The following FAM227A variants were observed in gnomAD, a reference collection of about 807,000 sequenced individuals.
The protein encoded by FAM227A is protein FAM227A.
FAM227A carries 80 observed loss-of-function variants against 74.7 expected under a neutral mutation model. That is an observed-to-expected ratio of 1.07 (90% CI 0.89 to 1.29). The LOEUF is 1.29. Ranked by LOEUF, FAM227A falls within the 50% of genes most tolerant of loss-of-function variation. The probability of loss-of-function intolerance (pLI) is 0.00; values close to 1 mark genes in which losing one functional copy is unlikely to be tolerated. For missense variants in FAM227A, 654 were observed against 683.4 expected (o/e 0.96, Z 0.48); for synonymous variants, 237 against 241.8 (o/e 0.98, Z 0.19).
chr22:38,639,754 A>G (rs2092075363), intron 3 of FAM227A, 30 bp from the exon 4 acceptor site: 1 of 1,440,368 alleles, frequency 6.9e-7, no homozygotes. Context: ...GGGGGGCATT[A>G]GGGATTAATG....
chr22:38,583,078 T>C lies in FAM227A; in HGVS notation c.*3047A>G. ...GAAGAGTTGACAGTGGCTGGGGTAG[T>C]AAAGGGAAGGTGAGAGAGTGTTCTG... On this transcript the variant is annotated 3_prime_UTR_variant, in exon 17 of 17. Coordinates refer to ENST00000535113, the MANE Select transcript of FAM227A (RefSeq NM_001013647.2). The C allele has an allele frequency of 2.9e-6, 3 of 1,042,000 alleles. No homozygotes were observed. The highest frequency in any genetic ancestry group is 4.2e-6 in the Non-Finnish European group (3 of 713,568). 64.5% of individuals were successfully genotyped at this position (1,042,000 alleles called of 1,614,324 possible).
At chr22:38,601,867 G>C (rs1040842920) in intron 13 of FAM227A, among the ~76,000 whole-genome samples, 1 of 152,104 alleles carries the variant, frequency 6.6e-6, no homozygotes, top group African/African-American at 2.4e-5. Context: ...GGCTGGGGCG[G>C]TGGGAAAGTC....
rs1175893664 is a variant in FAM227A, at chr22:38,613,354, AATAT to A, written c.1039-5882_1039-5879del. Among the ~76,000 whole-genome samples the A allele has an allele frequency of 2.2e-3, 161 of 74,772 alleles. 3 individuals are homozygous for A. The highest frequency in any genetic ancestry group is 8.2e-3 in the African/African-American group (153 of 18,696). 49.1% of individuals were successfully genotyped at this position (74,772 alleles called of 152,430 possible). Reference sequence around the variant, plus strand: ...ATATAATATATAACATATATTATATAATATATATCATATATAATATATAACATAT... The same window carrying A: ...ATATAATATATAACATATATTATATAATATCATATATAATATATAACATAT... On this transcript the variant is annotated intron_variant, in intron 11 of 16. Coordinates refer to ENST00000535113, the MANE Select transcript of FAM227A (RefSeq NM_001013647.2).
chr22:38,640,942 G>C (rs537490756), intron 3 of FAM227A, among the ~76,000 whole-genome samples: 3 of 152,102 alleles, frequency 2.0e-5, no homozygotes, highest in Non-Finnish European at 2.9e-5. Context: ...GGCGGTCACA[G>C]GGGTTAGTCT....
intron 14 of FAM227A, 126 bp downstream of exon 14, chr22:38,599,638 T>C: frequency 1.2e-6 from 1 of 824,272 alleles, no homozygotes; most frequent in Non-Finnish European, 1.7e-6. Context: ...TGGCCACCTC[T>C]GGCGAGTACA....
At chr22:38,609,405 G>A (rs747796248) in intron 11 of FAM227A, among the ~76,000 whole-genome samples, 13 of 152,200 alleles carry the variant, frequency 8.5e-5, no homozygotes, top group African/African-American at 2.9e-4. Flanking sequence ...ATAGTTGGCC[G>A]CAAGTGGTAT....
intron 13 of FAM227A, among the ~76,000 whole-genome samples, chr22:38,603,214 TGGG>T (rs2091213768): frequency 1.3e-5 from 2 of 152,132 alleles, no homozygotes; most frequent in Admixed American, 1.3e-4. Context: ...TACTGTGGGC[TGGG>T]AGCAGTGGCT....
At chr22:38,641,413 G>A (rs1334500650) in intron 3 of FAM227A, among the ~76,000 whole-genome samples, 1 of 151,960 alleles carries the variant, frequency 6.6e-6, no homozygotes, top group African/African-American at 2.4e-5. Flanking sequence ...TTAGCCGGGC[G>A]TGGTGGCACG....
At chr22:38,590,279 C>CAAAA (rs71197120) in intron 16 of FAM227A, among the ~76,000 whole-genome samples, 7 of 57,976 alleles carry the variant, frequency 1.2e-4, no homozygotes, top group South Asian at 6.3e-4. Flanking sequence ...GACTCCATCT[C>CAAAA]AAAAAAAAAA....
intron 11 of FAM227A, among the ~76,000 whole-genome samples, chr22:38,615,756 C>A (rs1380008350): frequency 2.0e-5 from 3 of 152,168 alleles, no homozygotes; most frequent in Non-Finnish European, 4.4e-5. Flanking sequence ...CAGGGAATAA[C>A]CCCATCTGAT....
chr22:38,639,614 C>G (rs151075624), intron 4 of FAM227A, 41 bp downstream of exon 4: 1 of 1,543,738 alleles, frequency 6.5e-7, no homozygotes, highest in African/African-American at 1.4e-5. Flanking sequence ...AAAAAACAAA[C>G]CCCATGAAAA....
rs935711667 is a variant in FAM227A at position 38,640,065 on chromosome 22, G to A, written c.226-341C>T. ...TTTTTTTTTTTTGAGACGGAGTCTC[G>A]CTCTGTTGCCCAGGCTGGAATGCAG... is the stretch of plus-strand genomic sequence containing the variant. On this transcript the variant is annotated intron_variant, in intron 3 of 16. Coordinates refer to ENST00000535113, the MANE Select transcript of FAM227A (RefSeq NM_001013647.2). 5.9e-5 allele frequency among the ~76,000 whole-genome samples: 9 copies of A among 151,274 alleles called. No individual in the cohort carries two copies. In the South Asian group the frequency reaches 1.0e-3, roughly 18 times the overall value.
intron 9 of FAM227A, among the ~76,000 whole-genome samples, chr22:38,624,438 G>C (rs180862353): frequency 5.8e-4 from 89 of 152,220 alleles, no homozygotes; most frequent in African/African-American, 1.9e-3. Flanking sequence ...AACACAGCAG[G>C]CCTGAGACTG....
chr22:38,590,626 C>T lies in FAM227A; in HGVS notation c.1638+809G>A, dbSNP rs528645918. Among the ~76,000 whole-genome samples the T allele has an allele frequency of 2.6e-5, 4 of 152,316 alleles. No homozygotes were observed. In the South Asian group the frequency reaches 8.3e-4, roughly 32 times the overall value. The stretch of plus-strand genomic sequence containing the variant: ...TTCCATTTAAGCTAGTTTGAGCTGG[C>T]TTCCTGGCACATGCAACCAAGGAGC... On this transcript the variant is annotated intron_variant, in intron 16 of 16. Coordinates refer to ENST00000535113, the MANE Select transcript of FAM227A (RefSeq NM_001013647.2).
chr22:38,616,463 G>A (rs2091578125), intron 11 of FAM227A, among the ~76,000 whole-genome samples: 2 of 152,108 alleles, frequency 1.3e-5, no homozygotes, highest in Non-Finnish European at 2.9e-5. Flanking sequence ...AGGAGTTCGA[G>A]GCTAGCCTGG....
chr22:38,617,292 CTT>C (rs35990617), intron 11 of FAM227A, among the ~76,000 whole-genome samples: 85 of 116,138 alleles, frequency 7.3e-4, no homozygotes, highest in South Asian at 4.7e-3. Context: ...TGAGAACAGA[CTT>C]TTTTTTTTTT....
At chr22:38,613,158 T>C (rs1230393932) in intron 11 of FAM227A, among the ~76,000 whole-genome samples, 1 of 90,342 alleles carries the variant, frequency 1.1e-5, no homozygotes, top group Non-Finnish European at 2.0e-5. Context: ...ATATATTATA[T>C]ATCTATGCTG....
At chr22:38,613,238 A>ATC (rs772006731) in intron 11 of FAM227A, among the ~76,000 whole-genome samples, 26,899 of 78,170 alleles carry the variant, frequency 0.34, 4,878 homozygotes, top group East Asian at 0.44. Flanking sequence ...TTATATATAT[A>ATC]ATATATAATA....
At chr22:38,655,535 T>A (rs556365735) in intron 1 of FAM227A, among the ~76,000 whole-genome samples, 3 of 152,216 alleles carry the variant, frequency 2.0e-5, no homozygotes, top group African/African-American at 7.2e-5. Flanking sequence ...AAAAATTAAA[T>A]TTTTAAATGG....
Sources: allele counts gnomAD v4.1 joint callset (sites outside exome capture counted in the v4.1 genomes callset), GRCh38; gene constraint gnomAD v4.1.1; transcripts MANE v1.5; gene names NCBI Gene and HGNC (gene_info 2026-07-23, HGNC 2026-07-21).